Variants in PAX5 observed in about 807,000 individuals in gnomAD.
PAX5 encodes paired box 5.
PAX5 carries 9 observed loss-of-function variants against 43.7 expected under a neutral mutation model. The ratio of observed to expected loss-of-function variants is 0.21; its 90% CI spans 0.12 to 0.36. The LOEUF (loss-of-function observed/expected upper bound fraction) is 0.36. Among genes scored for constraint, PAX5 ranks in the 10% least tolerant of loss-of-function variants. The probability of loss-of-function intolerance (pLI) is 1.00; values close to 1 mark genes in which losing one functional copy is unlikely to be tolerated. For missense variants in PAX5, 383 were observed against 532.7 expected (o/e 0.72, Z 2.77); for synonymous variants, 228 against 214.3 (o/e 1.06, Z -0.56).
intron 8 of PAX5, among the ~76,000 whole-genome samples, chr9:36,866,982 G>A (rs571779355): frequency 6.8e-6 from 1 of 147,064 alleles, no homozygotes; most frequent in East Asian, 2.0e-4. Context: ...CTCGGCTAGG[G>A]CCTCTGTTGA....
intron 8 of PAX5, among the ~76,000 whole-genome samples, chr9:36,867,074 T>C (rs1269087033): frequency 2.7e-5 from 4 of 146,686 alleles, no homozygotes; most frequent in African/African-American, 9.9e-5. Flanking sequence ...GGGGGGGCCT[T>C]GGTTGGTCTC....
chr9:36,974,977 G>C (rs1023481032), intron 5 of PAX5, among the ~76,000 whole-genome samples: 1 of 152,116 alleles, frequency 6.6e-6, no homozygotes, highest in South Asian at 2.1e-4. Context: ...CTGCTGGCAT[G>C]CCCTTCTCTC....
In PAX5 at chr9:36,839,047, A is replaced by T. The variant is rs1304100341; in HGVS notation, c.*1513T>A. On this transcript the variant is annotated 3_prime_UTR_variant, in exon 10 of 10. Coordinates refer to ENST00000358127, the MANE Select transcript of PAX5 (RefSeq NM_016734.3). ...CAGCCCAGGTTTGGACAAGGGCTCT[A>T]CCTGGCTGTTCTGACTTGACAAGAG... 4.3e-6 allele frequency: 1 copy of T among 233,184 alleles called. No individual in the cohort carries two copies. Among genetic ancestry groups the T allele is most frequent in the Non-Finnish European group, 8.5e-6 (1 of 118,070 alleles). 14.4% of individuals were successfully genotyped at this position (233,184 alleles called of 1,614,324 possible). A position where few individuals can be genotyped will look rare whatever the true frequency, so the allele number is the denominator to read the frequency against.
At chr9:36,846,741 A>G in intron 9 of PAX5, 102 bp downstream of exon 9, 1 of 754,266 alleles carries the variant, frequency 1.3e-6, no homozygotes, top group Non-Finnish European at 2.2e-6. Context: ...CACCCACCTC[A>G]GTGACCAGAC....
intron 6 of PAX5, among the ~76,000 whole-genome samples, chr9:36,943,568 A>ACACACACACACG (rs1832245822): frequency 6.6e-6 from 1 of 151,176 alleles, no homozygotes; most frequent in African/African-American, 2.4e-5. Context: ...ACACACACAC[A>ACACACACACACG]GCTACATATT....
At chr9:36,853,095 G>A (rs574811197) in intron 8 of PAX5, among the ~76,000 whole-genome samples, 1 of 152,158 alleles carries the variant, frequency 6.6e-6, no homozygotes, top group East Asian at 1.9e-4. Context: ...TTGTCATATC[G>A]ATCTTCATCC....
intron 7 of PAX5, among the ~76,000 whole-genome samples, chr9:36,896,447 G>A (rs1383062052): frequency 6.6e-6 from 1 of 151,966 alleles, no homozygotes; most frequent in East Asian, 1.9e-4. Context: ...TGCTCGCCAA[G>A]GAAAACCAAG....
chr9:36,895,539 G>A (rs1827789223), intron 7 of PAX5, among the ~76,000 whole-genome samples: 1 of 152,138 alleles, frequency 6.6e-6, no homozygotes. Flanking sequence ...TATAAAATGG[G>A]GATAATGATA....
chr9:36,961,473 G>T (rs1833971212), intron 6 of PAX5, among the ~76,000 whole-genome samples: 1 of 152,234 alleles, frequency 6.6e-6, no homozygotes, highest in Non-Finnish European at 1.5e-5. Flanking sequence ...GGCAGCAATG[G>T]GATGGATAAT....
intron 5 of PAX5, among the ~76,000 whole-genome samples, chr9:36,995,709 C>T (rs1210535996): frequency 1.3e-5 from 2 of 152,178 alleles, no homozygotes; most frequent in African/African-American, 4.8e-5. Flanking sequence ...CCTGTTTTCC[C>T]ATGCGAATGA....
At position 37,034,257 on chromosome 9, in the gene PAX5, G is replaced by C; in HGVS notation, c.-226C>G. 1 of 542,582 alleles carries C rather than the reference G, an allele frequency of 1.8e-6. No individual in the cohort carries two copies. The highest frequency in any genetic ancestry group is 3.2e-5 in the Admixed American group (1 of 31,478). The allele number at this position is 542,582 out of a possible 1,614,324, so 33.6% of individuals were successfully genotyped here. ...AAAGCGTCCGAAGGCACCGTGAAAT[G>C]ATTAAGGAACTAAAGAGCTTCTCGC... On this transcript the variant is annotated 5_prime_UTR_variant, in exon 1 of 10. The change creates a new upstream start codon in the 5' untranslated region. Coordinates refer to ENST00000358127, the MANE Select transcript of PAX5 (RefSeq NM_016734.3).
chr9:36,842,911 C>T (rs1285103498), intron 9 of PAX5, among the ~76,000 whole-genome samples: 1 of 152,208 alleles, frequency 6.6e-6, no homozygotes, highest in Non-Finnish European at 1.5e-5. Context: ...CTGATCCTCA[C>T]CTTGGCCATT....
intron 6 of PAX5, among the ~76,000 whole-genome samples, chr9:36,937,488 C>T (rs1384449799): frequency 1.3e-5 from 2 of 152,176 alleles, no homozygotes; most frequent in South Asian, 2.1e-4. Flanking sequence ...TTCTGTTTGA[C>T]TCCAAAGCCT....
rs140752625 is a variant in PAX5 at position 36,990,829 on chromosome 9, G to A, written c.604+11819C>T. 3.4e-3 allele frequency among the ~76,000 whole-genome samples: 524 copies of A among 152,350 alleles called. 6 individuals carry two copies. Among genetic ancestry groups the A allele is most frequent in the African/African-American group, 0.012 (492 of 41,594 alleles). ...CCCGCTAATTTAAATTCCAGAGAAG[G>A]CCGGGCGCAGTGGCTCACGCCTGTA... On this transcript the variant is annotated intron_variant, in intron 5 of 9. Coordinates refer to ENST00000358127, the MANE Select transcript of PAX5 (RefSeq NM_016734.3).
Position 36,835,858 on chromosome 9 carries a change from G to C in PAX5, c.*4702C>G, listed in dbSNP as rs1383628120. 8.6e-6 allele frequency: 2 copies of C among 233,328 alleles called. No individual in the cohort carries two copies. Among genetic ancestry groups the C allele is most frequent in the Admixed American group, 1.1e-4 (2 of 17,784 alleles). 14.5% of individuals were successfully genotyped at this position (233,328 alleles called of 1,614,324 possible). Reference sequence around the variant, plus strand: ...CTGTGGGATCCACCCATGCCTGCCTGGGCCTGGCCTGGCCGTGGGGCAGGA... The same window carrying C: ...CTGTGGGATCCACCCATGCCTGCCTCGGCCTGGCCTGGCCGTGGGGCAGGA... On this transcript the variant is annotated 3_prime_UTR_variant, in exon 10 of 10. Coordinates refer to ENST00000358127, the MANE Select transcript of PAX5 (RefSeq NM_016734.3).
At chr9:36,940,071 C>T (rs1341847959) in intron 6 of PAX5, among the ~76,000 whole-genome samples, 3 of 152,248 alleles carry the variant, frequency 2.0e-5, no homozygotes, top group African/African-American at 7.2e-5. Context: ...GCGCTGCCTT[C>T]CTTATTTATC....
chr9:36,982,090 C>A (rs1267593837), intron 5 of PAX5, among the ~76,000 whole-genome samples: 1 of 152,148 alleles, frequency 6.6e-6, no homozygotes, highest in African/African-American at 2.4e-5. Context: ...CATGGCAAAA[C>A]CCCACCTCTA....
chr9:36,942,127 G>C (rs1291854153), intron 6 of PAX5, among the ~76,000 whole-genome samples: 2 of 152,216 alleles, frequency 1.3e-5, no homozygotes, highest in African/African-American at 4.8e-5. Flanking sequence ...CCAGGAGCCT[G>C]ACCCTCTCCT....
At chr9:37,002,542 A>G (rs1161544945) in intron 5 of PAX5, 106 bp downstream of exon 5, 4 of 1,214,146 alleles carry the variant, frequency 3.3e-6, no homozygotes, top group Non-Finnish European at 4.6e-6. Context: ...GCTCCTCTGC[A>G]GGTAAGGGGG....
Sources: allele counts gnomAD v4.1 joint callset (sites outside exome capture counted in the v4.1 genomes callset), GRCh38; gene constraint gnomAD v4.1.1; transcripts MANE v1.5; gene names NCBI Gene and HGNC (gene_info 2026-07-23, HGNC 2026-07-21).